The following PSMA1 variants were observed in gnomAD, a reference collection of about 807,000 sequenced individuals.
PSMA1 encodes the protein proteasome 20S subunit alpha 1.
In PSMA1, 3 loss-of-function variants were observed where a neutral mutation model predicts 38.4. The observed-to-expected ratio is 0.08, with a 90% confidence interval of 0.04 to 0.20. The LOEUF is 0.20. Among genes scored for constraint, PSMA1 ranks in the 10% least tolerant of loss-of-function variants. The pLI is 1.00. For synonymous variants in PSMA1, 101 were observed against 107.1 expected (o/e 0.94, Z 0.35); for missense variants, 227 against 325.3 (o/e 0.70, Z 2.32).
At chr11:14,577,413 C>T (rs905768261) in intron 2 of PSMA1, among the ~76,000 whole-genome samples, 2 of 152,118 alleles carry the variant, frequency 1.3e-5, no homozygotes, top group African/African-American at 4.8e-5. Flanking sequence ...TAATTTTCTC[C>T]TTCCAATGAT....
At chr11:14,555,751 T>C (rs1403914167) in intron 2 of PSMA1, among the ~76,000 whole-genome samples, 2 of 152,198 alleles carry the variant, frequency 1.3e-5, no homozygotes, top group Admixed American at 6.5e-5. Context: ...CATCCTCCCA[T>C]TACATCACAA....
At chr11:14,592,299 C>T (rs905374014) in intron 2 of PSMA1, among the ~76,000 whole-genome samples, 6 of 152,068 alleles carry the variant, frequency 3.9e-5, no homozygotes, top group African/African-American at 7.2e-5. Flanking sequence ...CGCTCCTCCT[C>T]GTCCCTTCTA....
intron 1 of PSMA1, among the ~76,000 whole-genome samples, chr11:14,615,104 A>G (rs1434118893): frequency 6.6e-6 from 1 of 152,220 alleles, no homozygotes; most frequent in Admixed American, 6.5e-5. Flanking sequence ...GTTCTTTTGT[A>G]TATCTATGAG....
At chr11:14,638,537 C>A (rs865987975) in intron 1 of PSMA1, among the ~76,000 whole-genome samples, 1 of 22,730 alleles carries the variant, frequency 4.4e-5, no homozygotes, top group Middle Eastern at 0.016. Flanking sequence ...CTCTCTCTCT[C>A]TCTCTCTCTA....
intron 1 of PSMA1, among the ~76,000 whole-genome samples, chr11:14,639,939 C>G (rs1300758725): frequency 6.6e-6 from 1 of 152,160 alleles, no homozygotes; most frequent in East Asian, 1.9e-4. Flanking sequence ...ACCTCTGTAT[C>G]ACAGCTCCTG....
intron 1 of PSMA1, among the ~76,000 whole-genome samples, chr11:14,618,680 T>C (rs540142914): frequency 1.8e-4 from 27 of 152,368 alleles, no homozygotes; most frequent in African/African-American, 6.5e-4. Context: ...TGACAACTTG[T>C]TGTTAACTGG....
At chr11:14,628,611 A>G (rs1416876736) in intron 1 of PSMA1, among the ~76,000 whole-genome samples, 1 of 149,210 alleles carries the variant, frequency 6.7e-6, no homozygotes, top group South Asian at 2.2e-4. Flanking sequence ...ATTGCGAATA[A>G]TGCCGCAATA....
chr11:14,633,124 T>C (rs1262282533), intron 1 of PSMA1, among the ~76,000 whole-genome samples: 21 of 152,322 alleles, frequency 1.4e-4, no homozygotes, highest in African/African-American at 4.3e-4. Context: ...TCTGAAGCCT[T>C]CTTCTCTCAG....
At chr11:14,507,237 C>T (rs926020668) in intron 9 of PSMA1, among the ~76,000 whole-genome samples, 4 of 151,728 alleles carry the variant, frequency 2.6e-5, no homozygotes, top group Non-Finnish European at 5.9e-5. Context: ...GGTAGGATCT[C>T]AGCTCACTGC....
chr11:14,598,341 A>T (rs577922856), intron 2 of PSMA1, among the ~76,000 whole-genome samples: 1 of 152,290 alleles, frequency 6.6e-6, no homozygotes, highest in South Asian at 2.1e-4. Context: ...TAATGTTGAC[A>T]GTGGGGTGTT....
At chr11:14,564,344 C>T (rs150634260) in intron 2 of PSMA1, among the ~76,000 whole-genome samples, 24 of 152,104 alleles carry the variant, frequency 1.6e-4, no homozygotes, top group Middle Eastern at 6.8e-3. Context: ...AATTCTCTGG[C>T]GATTCATCCA....
intron 2 of PSMA1, among the ~76,000 whole-genome samples, chr11:14,573,616 CCT>C (rs1217700612): frequency 6.6e-6 from 1 of 152,152 alleles, no homozygotes; most frequent in Non-Finnish European, 1.5e-5. Context: ...ACAGGGATGG[CCT>C]CTCTCACCAC....
exon 2 of PSMA1, chr11:14,611,025 C>A (rs747302483): frequency 1.3e-6 from 2 of 1,592,174 alleles, no homozygotes; most frequent in South Asian, 2.2e-5. Context: ...GACCAACATA[C>A]AACATAGGTC....
intron 2 of PSMA1, among the ~76,000 whole-genome samples, chr11:14,603,226 C>T (rs1852605387): frequency 6.6e-6 from 1 of 152,194 alleles, no homozygotes; most frequent in African/African-American, 2.4e-5. Context: ...AGAAGTAATT[C>T]ACCAGGTAGG....
intron 2 of PSMA1, among the ~76,000 whole-genome samples, chr11:14,596,158 A>G (rs1251030806): frequency 6.6e-6 from 1 of 152,186 alleles, no homozygotes; most frequent in East Asian, 1.9e-4. Flanking sequence ...CTTGTAGTAT[A>G]GTTTGAAGTC....
intron 1 of PSMA1, among the ~76,000 whole-genome samples, chr11:14,641,996 C>T (rs1037646867): frequency 1.3e-5 from 2 of 152,166 alleles, no homozygotes; most frequent in Non-Finnish European, 2.9e-5. Flanking sequence ...AATGGCTAGG[C>T]CCAGACAAAA....
upstream of PSMA1, among the ~76,000 whole-genome samples, chr11:14,521,215 T>C (rs1851522489): frequency 6.6e-6 from 1 of 152,068 alleles, no homozygotes; most frequent in African/African-American, 2.4e-5. Context: ...CCCAGCGCTA[T>C]TGGAGGCCGA....
intron 2 of PSMA1, among the ~76,000 whole-genome samples, chr11:14,557,371 G>T (rs1851951900): frequency 6.6e-6 from 1 of 152,034 alleles, no homozygotes; most frequent in Non-Finnish European, 1.5e-5. Context: ...CAGAGTAGCT[G>T]GGACTACAGG....
At chr11:14,580,034 A>G (rs1229255114) in intron 2 of PSMA1, among the ~76,000 whole-genome samples, 1 of 152,206 alleles carries the variant, frequency 6.6e-6, no homozygotes, top group Non-Finnish European at 1.5e-5. Flanking sequence ...CCTCAAATCC[A>G]AAGAGCAGGG....
Sources: gnomAD v4.1 joint callset for allele counts (sites outside exome capture counted in the v4.1 genomes callset) on GRCh38, gnomAD v4.1.1 for gene constraint, MANE v1.5 for transcripts, NCBI Gene and HGNC (gene_info 2026-07-23, HGNC 2026-07-21) for gene names.